Variants in CCDC178 observed in about 807,000 individuals in gnomAD.
The protein encoded by CCDC178 is coiled-coil domain containing 178.
In CCDC178, 126 loss-of-function variants were observed where a neutral mutation model predicts 117.4. The observed-to-expected ratio is 1.07, with a 90% CI of 0.93 to 1.24. The LOEUF is 1.24. Among genes scored for constraint, CCDC178 ranks in the 50% most tolerant of loss-of-function variants. The probability of loss-of-function intolerance (pLI) is 0.00; values close to 1 mark genes in which losing one functional copy is unlikely to be tolerated. For synonymous variants in CCDC178, 283 were observed against 313.4 expected (o/e 0.90, Z 1.02); for missense variants, 1,030 against 986.9 (o/e 1.04, Z -0.59).
intron 11 of CCDC178, among the ~76,000 whole-genome samples, chr18:33,304,903 G>T (rs541479894): frequency 4.9e-4 from 75 of 152,226 alleles, no homozygotes; most frequent in Admixed American, 8.5e-4. Context: ...TTCCAGAAAA[G>T]ACATAAACAT....
chr18:33,208,901 T>A (rs538491956), intron 20 of CCDC178, among the ~76,000 whole-genome samples: 2 of 152,196 alleles, frequency 1.3e-5, no homozygotes, highest in Middle Eastern at 6.8e-3. Flanking sequence ...GAACTCAATC[T>A]GGAAATTGTT....
Position 33,005,263 on chromosome 18 carries a change from T to C in CCDC178, c.2389-30582A>G, listed in dbSNP as rs528102988. ...ATAAAGAAAATGTAGTACATATACA[T>C]AATGGAGTACTATTTAGCCACAAAA... On this transcript the variant is annotated intron_variant, in intron 21 of 22. Coordinates refer to ENST00000383096, the MANE Select transcript of CCDC178 (RefSeq NM_001105528.4). 8.5e-5 allele frequency among the ~76,000 whole-genome samples: 13 copies of C among 152,162 alleles called. No individual in the cohort carries two copies. The South Asian group carries it at 2.7e-3, about 32-fold the overall frequency.
At position 33,299,945 on chromosome 18, in the gene CCDC178, C is replaced by T. The variant is rs1238270029; in HGVS notation, c.1023-6633G>A. Among the ~76,000 whole-genome samples, 3 of 152,230 alleles carry T rather than the reference C, an allele frequency of 2.0e-5. No individual in the cohort carries two copies. The East Asian group carries it at 5.8e-4, about 29-fold the overall frequency. On this transcript the variant is annotated intron_variant, in intron 11 of 22. Coordinates refer to ENST00000383096, the MANE Select transcript of CCDC178 (RefSeq NM_001105528.4). ...ATCAAAAGACAAAAAATAACAAATG[C>T]TGTTGATATAGGTTGGATATTTGTC...
At chr18:33,121,429 A>C (rs1326610019) in intron 20 of CCDC178, among the ~76,000 whole-genome samples, 1 of 152,144 alleles carries the variant, frequency 6.6e-6, no homozygotes, top group Non-Finnish European at 1.5e-5. Flanking sequence ...TGTAATAAAC[A>C]AAAGAACAAA....
intron 21 of CCDC178, among the ~76,000 whole-genome samples, chr18:32,978,843 C>T (rs1243315702): frequency 6.6e-6 from 1 of 152,018 alleles, no homozygotes; most frequent in African/African-American, 2.4e-5. Context: ...TTGAGACCAG[C>T]CTGACTAATA....
intron 18 of CCDC178, among the ~76,000 whole-genome samples, chr18:33,216,077 G>A (rs1047320275): frequency 1.4e-4 from 22 of 151,908 alleles, no homozygotes; most frequent in African/African-American, 5.3e-4. Context: ...CAGCCCAGAT[G>A]ACAGAGTGAG....
chr18:33,201,969 AG>A (rs2144557778), intron 20 of CCDC178, among the ~76,000 whole-genome samples: 1 of 152,234 alleles, frequency 6.6e-6, no homozygotes, highest in Admixed American at 6.5e-5. Flanking sequence ...CTTTATTTCA[AG>A]GTTTTTATGT....
intron 1 of CCDC178, 38 bp from the exon 2 acceptor site, chr18:33,440,119 A>G (rs2064357443): frequency 6.6e-6 from 1 of 152,198 alleles, no homozygotes. Flanking sequence ...AATCAATAAC[A>G]GTTCAAAGGA....
intron 20 of CCDC178, among the ~76,000 whole-genome samples, chr18:33,121,200 A>G (rs2057931686): frequency 6.6e-6 from 1 of 152,186 alleles, no homozygotes; most frequent in Admixed American, 6.6e-5. Context: ...TGATTTAACC[A>G]TTTGGAAGGA....
intron 20 of CCDC178, among the ~76,000 whole-genome samples, chr18:33,158,921 A>G (rs1461391497): frequency 6.6e-6 from 1 of 152,138 alleles, no homozygotes; most frequent in Non-Finnish European, 1.5e-5. Context: ...TTAAAAATAC[A>G]TCATTTGAAT....
intron 20 of CCDC178, among the ~76,000 whole-genome samples, chr18:33,138,314 G>C (rs927725682): frequency 3.9e-5 from 6 of 152,060 alleles, no homozygotes; most frequent in Admixed American, 1.3e-4. Context: ...GTATTGTGAG[G>C]AAAAAAGAAA....
At chr18:33,335,135 C>T (rs968024625) in intron 9 of CCDC178, among the ~76,000 whole-genome samples, 41 of 151,830 alleles carry the variant, frequency 2.7e-4, no homozygotes, top group Admixed American at 2.6e-4. Context: ...TATTATTTTA[C>T]CATTTTGTTG....
chr18:33,249,927 G>A (rs923500240), intron 14 of CCDC178, among the ~76,000 whole-genome samples: 2 of 151,806 alleles, frequency 1.3e-5, no homozygotes, highest in Non-Finnish European at 2.9e-5. Context: ...ATTTGTTTGT[G>A]TCCTCTTTTA....
At chr18:33,139,901 C>T (rs867979219) in intron 20 of CCDC178, among the ~76,000 whole-genome samples, 1 of 151,978 alleles carries the variant, frequency 6.6e-6, no homozygotes, top group Non-Finnish European at 1.5e-5. Flanking sequence ...GCCTGGAGAC[C>T]TAGGAAGAAA....
intron 11 of CCDC178, among the ~76,000 whole-genome samples, chr18:33,299,359 G>A (rs1335213234): frequency 1.3e-5 from 2 of 152,048 alleles, no homozygotes; most frequent in African/African-American, 4.8e-5. Flanking sequence ...GGAAATGACA[G>A]TCTCTTCAAT....
intron 20 of CCDC178, among the ~76,000 whole-genome samples, chr18:33,182,473 T>C (rs1355631645): frequency 6.6e-6 from 1 of 151,966 alleles, no homozygotes; most frequent in Non-Finnish European, 1.5e-5. Flanking sequence ...CAAAATATAC[T>C]TGTAATAACA....
intron 20 of CCDC178, among the ~76,000 whole-genome samples, chr18:33,183,320 C>T (rs770038170): frequency 2.0e-5 from 3 of 151,858 alleles, no homozygotes; most frequent in Non-Finnish European, 4.4e-5. Context: ...AGCTCCATTG[C>T]CTTTTCTTGT....
At chr18:33,144,165 A>C (rs539558255) in intron 20 of CCDC178, among the ~76,000 whole-genome samples, 3 of 152,154 alleles carry the variant, frequency 2.0e-5, no homozygotes, top group Non-Finnish European at 4.4e-5. Flanking sequence ...ACCCGCAAGC[A>C]TCCTGAAAGT....
chr18:33,058,344 TACA>T (rs2056864900), intron 21 of CCDC178, among the ~76,000 whole-genome samples: 1 of 152,178 alleles, frequency 6.6e-6, no homozygotes, highest in African/African-American at 2.4e-5. Context: ...GTAAAAATGA[TACA>T]ACATGGTAAG....
Sources: gnomAD v4.1 joint callset for allele counts (sites outside exome capture counted in the v4.1 genomes callset) on GRCh38, gnomAD v4.1.1 for gene constraint, MANE v1.5 for transcripts, NCBI Gene and HGNC (gene_info 2026-07-23, HGNC 2026-07-21) for gene names.